The following KPNA6 variants were observed in gnomAD, a reference collection of about 807,000 sequenced individuals.
KPNA6 encodes the protein importin subunit alpha-7.
A neutral mutation model predicts 72.0 loss-of-function variants in KPNA6; 9 were observed. The ratio of observed to expected loss-of-function variants is 0.13; its 90% confidence interval spans 0.08 to 0.22. KPNA6 has a LOEUF of 0.22. Among genes scored for constraint, KPNA6 ranks in the 10% least tolerant of loss-of-function variants. The probability of loss-of-function intolerance (pLI) is 1.00; values close to 1 mark genes in which losing one functional copy is unlikely to be tolerated. For synonymous variants in KPNA6, 219 were observed against 242.1 expected (o/e 0.90, Z 0.89); for missense variants, 374 against 655.7 (o/e 0.57, Z 4.69).
In KPNA6 at chr1:32,170,982, A is replaced by C. The variant is rs1642425650; in HGVS notation, c.*88A>C. 7 of 1,123,648 alleles carry C rather than the reference A, an allele frequency of 6.2e-6. 1 individual carries two copies. The highest frequency in any genetic ancestry group is 1.5e-5 in the African/African-American group (1 of 65,204). The allele number at this position is 1,123,648 out of a possible 1,614,324, so 69.6% of individuals were successfully genotyped here. On this transcript the variant is annotated 3_prime_UTR_variant, in exon 14 of 14. Transcript: ENST00000373625. ...TGGTGGGCGGGAAACCAGTGTCCCC[A>C]CCATCAGCCACCACACACCTCTGCT...
intron 1 of KPNA6, among the ~76,000 whole-genome samples, chr1:32,118,991 T>TGC (rs1399549454): frequency 8.4e-6 from 1 of 119,000 alleles, no homozygotes; most frequent in Non-Finnish European, 1.7e-5. Context: ...TGTGTGTGTG[T>TGC]GTATACATAT....
At position 32,140,974 on chromosome 1, in the gene KPNA6, A is replaced by G. The variant is rs560439020; in HGVS notation, c.5-13614A>G. On this transcript the variant is annotated intron_variant, in intron 1 of 13. Coordinates refer to ENST00000373625, the MANE Select transcript of KPNA6 (RefSeq NM_012316.5). ...CTTTGGATTTATTATTGTGTCTATC[A>G]CTTGTGTATTGTGGGTTATCTTCTC... Among the ~76,000 whole-genome samples the G allele has an allele frequency of 9.7e-4, 147 of 152,228 alleles. 1 individual carries two copies. The highest frequency in any genetic ancestry group is 3.4e-3 in the African/African-American group (143 of 41,532).
chr1:32,154,765 A>C, intron 2 of KPNA6, 44 bp downstream of exon 2: 1 of 1,608,420 alleles, frequency 6.2e-7, no homozygotes, highest in East Asian at 2.2e-5. Context: ...TCTGGGAAAC[A>C]AGCCCCTATG....
chr1:32,121,775 T>G (rs926618754), intron 1 of KPNA6, among the ~76,000 whole-genome samples: 228 of 138,358 alleles, frequency 1.6e-3, no homozygotes, highest in Middle Eastern at 0.016. Context: ...GAGTTCGAGA[T>G]CAGCCTGGCC....
At chr1:32,132,836 G>A (rs1256145850) in intron 1 of KPNA6, among the ~76,000 whole-genome samples, 1 of 152,098 alleles carries the variant, frequency 6.6e-6, no homozygotes, top group Non-Finnish European at 1.5e-5. Context: ...CTGGGAGGCG[G>A]AGCTTGCAGT....
At chr1:32,113,450 A>G (rs552732285) in intron 1 of KPNA6, among the ~76,000 whole-genome samples, 17 of 151,934 alleles carry the variant, frequency 1.1e-4, no homozygotes, top group Admixed American at 2.6e-4. Flanking sequence ...ATGTATGTAT[A>G]TATGTTTTTT....
At chr1:32,167,056 A>C in intron 11 of KPNA6, 113 bp from the exon 12 acceptor site, 1 of 1,373,804 alleles carries the variant, frequency 7.3e-7, no homozygotes, top group Non-Finnish European at 1.0e-6. Context: ...GAACAAAAGA[A>C]AACTCCCAGA....
intron 1 of KPNA6, among the ~76,000 whole-genome samples, chr1:32,137,747 G>A (rs1641759731): frequency 6.6e-6 from 1 of 152,144 alleles, no homozygotes; most frequent in African/African-American, 2.4e-5. Context: ...AGCCAATTTG[G>A]AGTAACAGAT....
intron 1 of KPNA6, among the ~76,000 whole-genome samples, chr1:32,109,254 C>T (rs1192403044): frequency 1.3e-5 from 2 of 151,892 alleles, no homozygotes; most frequent in African/African-American, 4.8e-5. Context: ...CTGCAACCTC[C>T]TGCCTCCCGG....
intron 10 of KPNA6, among the ~76,000 whole-genome samples, chr1:32,163,581 T>TA (rs1167920381): frequency 2.0e-5 from 3 of 152,222 alleles, no homozygotes; most frequent in African/African-American, 7.2e-5. Flanking sequence ...TAACTGGACT[T>TA]ACCACCTGGG....
chr1:32,112,642 AC>A (rs1641261043), intron 1 of KPNA6, among the ~76,000 whole-genome samples: 1 of 151,934 alleles, frequency 6.6e-6, no homozygotes, highest in Non-Finnish European at 1.5e-5. Flanking sequence ...ACAGGTGCCC[AC>A]CACCACACCC....
chr1:32,155,967 G>T (rs1468948784), intron 2 of KPNA6, among the ~76,000 whole-genome samples: 1 of 133,308 alleles, frequency 7.5e-6, no homozygotes, highest in Non-Finnish European at 1.5e-5. Context: ...ATGTTGCCCA[G>T]GCTGGTCTTG....
intron 1 of KPNA6, among the ~76,000 whole-genome samples, chr1:32,126,964 C>T (rs960624088): frequency 1.3e-5 from 2 of 151,972 alleles, no homozygotes; most frequent in African/African-American, 2.4e-5. Context: ...GAAAATTTCC[C>T]TTATAAGGAA....
In KPNA6 at chr1:32,113,261, C is replaced by T. The variant is rs1006216172; in HGVS notation, c.4+5127C>T. On this transcript the variant is annotated intron_variant, in intron 1 of 13. Coordinates refer to ENST00000373625, the MANE Select transcript of KPNA6 (RefSeq NM_012316.5). The stretch of plus-strand genomic sequence containing the variant: ...TTAAAAAATTAGCTGGGTGTGGTGG[C>T]GCGTGACTGTAGTCCCAGCTACTCA... Among the ~76,000 whole-genome samples the T allele has an allele frequency of 4.0e-5, 6 of 151,786 alleles. No homozygotes were observed. In the South Asian group the frequency reaches 6.2e-4, roughly 16 times the overall value.
intron 1 of KPNA6, among the ~76,000 whole-genome samples, chr1:32,132,016 G>A (rs1641647297): frequency 6.6e-6 from 1 of 151,342 alleles, no homozygotes; most frequent in African/African-American, 2.4e-5. Flanking sequence ...TGTTGCCCAG[G>A]CTGTAGTGCA....
chr1:32,125,887 A>C lies in KPNA6; in HGVS notation c.4+17753A>C, dbSNP rs183791151. On this transcript the variant is annotated intron_variant, in intron 1 of 13. Transcript: ENST00000373625. ...TTTCTGTAGCAAAAATATCCAGTTGAAAATTAATTGAGATTATATATATAA... is the reference window on the plus strand; with the variant it reads ...TTTCTGTAGCAAAAATATCCAGTTGCAAATTAATTGAGATTATATATATAA... Among the ~76,000 whole-genome samples, 834 of 147,408 alleles carry C rather than the reference A, an allele frequency of 5.7e-3. 2 individuals carry two copies. Among genetic ancestry groups the C allele is most frequent in the Middle Eastern group, 0.017 (5 of 290 alleles).
In KPNA6 at chr1:32,108,118, G is replaced by A. The variant is rs746600057; in HGVS notation, c.-13G>A. ...GTTGCCTCCGCCGCCAAGAGTGAGC[G>A]AGCGGACCCGCGATGGGTGAGTGAG... is the stretch of plus-strand genomic sequence containing the variant. On this transcript the variant is annotated 5_prime_UTR_variant, in exon 1 of 14. Transcript: ENST00000373625. The A allele has an allele frequency of 1.7e-5, 28 of 1,613,910 alleles. No homozygotes were observed. The highest frequency in any genetic ancestry group is 2.3e-5 in the Non-Finnish European group (27 of 1,179,934).
intron 1 of KPNA6, among the ~76,000 whole-genome samples, chr1:32,140,316 A>G (rs908398171): frequency 1.4e-4 from 21 of 152,080 alleles, no homozygotes; most frequent in African/African-American, 4.8e-4. Flanking sequence ...CCCAGGAGGC[A>G]GAGGTTGCAG....
chr1:32,161,877 C>T, intron 7 of KPNA6, 70 bp from the exon 8 acceptor site: 3 of 1,147,814 alleles, frequency 2.6e-6, no homozygotes, highest in Non-Finnish European at 3.9e-6. Flanking sequence ...GGATTTGTCT[C>T]TGGGTTCATT....
Sources: allele counts gnomAD v4.1 joint callset (sites outside exome capture counted in the v4.1 genomes callset), GRCh38; gene constraint gnomAD v4.1.1; transcripts MANE v1.5; gene names NCBI Gene and HGNC (gene_info 2026-07-23, HGNC 2026-07-21).